The following CARD19 variants were observed in gnomAD, a reference collection of about 807,000 sequenced individuals.
CARD19 encodes the protein caspase recruitment domain-containing protein 19.
In CARD19, 25 loss-of-function variants were observed where a neutral mutation model predicts 24.1. That is an observed-to-expected ratio of 1.04 (90% CI 0.76 to 1.45). The LOEUF (loss-of-function observed/expected upper bound fraction) is 1.45, where lower values mean the gene tolerates loss of function less well. CARD19 is among the 40% of genes most tolerant of loss of function. CARD19 has a pLI of 0.00. For synonymous variants in CARD19, 103 were observed against 104.9 expected, an observed-to-expected ratio of 0.98 and a Z score of 0.11; for missense variants, 241 against 247.4, an observed-to-expected ratio of 0.97 and a Z score of 0.17.
intron 1 of CARD19, among the ~76,000 whole-genome samples, chr9:93,102,981 C>A (rs1827137143): frequency 6.6e-6 from 1 of 152,082 alleles, no homozygotes; most frequent in Non-Finnish European, 1.5e-5. Flanking sequence ...TTATATCTTG[C>A]AACCTTGCTG....
At chr9:93,112,033 AC>A in intron 4 of CARD19, 95 bp downstream of exon 4, 2 of 1,483,438 alleles carry the variant, frequency 1.3e-6, no homozygotes. Flanking sequence ...GGGCTTCTCC[AC>A]CCCAAGTCTG....
intron 1 of CARD19, 124 bp from the exon 2 acceptor site, chr9:93,107,550 T>C (rs1345477312): frequency 9.1e-7 from 1 of 1,100,606 alleles, no homozygotes; most frequent in African/African-American, 1.6e-5. Context: ...ATTCTGCAGG[T>C]TCACCCTCCT....
intron 2 of CARD19, among the ~76,000 whole-genome samples, chr9:93,108,791 G>A (rs1316401753): frequency 6.6e-6 from 1 of 152,242 alleles, no homozygotes; most frequent in Non-Finnish European, 1.5e-5. Flanking sequence ...CTGCAGAGCT[G>A]GGCACACCAG....
In CARD19 at chr9:93,096,792, C is replaced by T. The variant is rs1826881393; in HGVS notation, c.7+440C>T. On this transcript the variant is annotated intron_variant, in intron 1 of 5. Coordinates refer to ENST00000375464, the MANE Select transcript of CARD19 (RefSeq NM_032310.5). The surrounding 1 kb of genome is among the most constrained non-coding windows in gnomAD (Gnocchi z 5.4). ...GCTGTGATTCTGGCCACGGAAACAA[C>T]GCTCCATCCTTACAACCACCCCAGC... Among the ~76,000 whole-genome samples the T allele has an allele frequency of 6.6e-6, 1 of 152,192 alleles. No individual in the cohort carries two copies. Among genetic ancestry groups the T allele is most frequent in the African/African-American group, 2.4e-5 (1 of 41,444 alleles).
intron 1 of CARD19, among the ~76,000 whole-genome samples, chr9:93,107,130 C>T (rs886404620): frequency 6.6e-6 from 1 of 152,190 alleles, no homozygotes; most frequent in Admixed American, 6.5e-5. Flanking sequence ...CCACCCTGAG[C>T]CCTGTGTCCC....
chr9:93,111,434 G>A, intron 3 of CARD19: 1 of 1,074,614 alleles, frequency 9.3e-7, no homozygotes, highest in Non-Finnish European at 1.1e-6. Context: ...AGAGACCAGA[G>A]GGACTGGGCG....
At position 93,110,686 on chromosome 9, in the gene CARD19, C is replaced by T; in HGVS notation, c.269C>T (p.Pro90Leu). 10 of 1,612,748 alleles carry T rather than the reference C, an allele frequency of 6.2e-6. No individual in the cohort carries two copies. Among genetic ancestry groups the T allele is most frequent in the South Asian group, 1.1e-5 (1 of 91,086 alleles). ...FYRALYIHAQ[P>L]LHSRLPSRHA... ...CGAGCCCTGTATATCCATGCCCAGCCCCTGCACAGCCGCCTGCCCAGCCGC... is the reference window on the plus strand; with the variant it reads ...CGAGCCCTGTATATCCATGCCCAGCTCCTGCACAGCCGCCTGCCCAGCCGC... The change falls in exon 3 of 6, where the codon CCC becomes CTC. Residue 90 changes from proline (P) to leucine (L), a missense_variant. Physicochemically the swap from Pro to Leu is moderately conservative, Grantham distance 98 (BLOSUM62 -3). Coordinates refer to ENST00000375464, the MANE Select transcript of CARD19 (RefSeq NM_032310.5).
chr9:93,098,393 C>A (rs562882209), intron 1 of CARD19, among the ~76,000 whole-genome samples: 1 of 152,140 alleles, frequency 6.6e-6, no homozygotes, highest in Non-Finnish European at 1.5e-5. Context: ...CCAGCTCCCA[C>A]GGGGCCTTGA....
chr9:93,112,098 T>C, intron 4 of CARD19, 120 bp from the exon 5 acceptor site: 1 of 1,340,202 alleles, frequency 7.5e-7, no homozygotes, highest in Non-Finnish European at 1.0e-6. Flanking sequence ...GGTGCTCGTT[T>C]GGGGGCTCTT....
intron 1 of CARD19, among the ~76,000 whole-genome samples, chr9:93,105,133 G>T (rs116217125): frequency 6.6e-6 from 1 of 151,944 alleles, no homozygotes; most frequent in African/African-American, 2.4e-5. Flanking sequence ...TGTTTTTGCT[G>T]CATCCCTTAG....
intron 5 of CARD19, 116 bp downstream of exon 5, chr9:93,112,405 A>G: frequency 2.4e-6 from 2 of 824,762 alleles, no homozygotes; most frequent in Admixed American, 2.1e-5. Context: ...CGGTGTCCAC[A>G]CTTGTGCAGT....
intron 3 of CARD19, chr9:93,111,246 C>T (rs1318328618): frequency 2.6e-6 from 3 of 1,172,212 alleles, no homozygotes; most frequent in Non-Finnish European, 2.1e-6. Context: ...AGGCTCCTGT[C>T]CTCAGGCAGT....
intron 1 of CARD19, among the ~76,000 whole-genome samples, chr9:93,104,114 T>C (rs552371069): frequency 3.9e-5 from 6 of 152,368 alleles, no homozygotes; most frequent in Admixed American, 1.3e-4. Flanking sequence ...GTATATTTCA[T>C]TGATTGATTT....
rs1298909098 is a variant in CARD19, at chr9:93,096,485, C to G, written c.7+133C>G. ...CGGGGGCCGAGTGACCTTGGCCCGT[C>G]AGCTGTCGGTGGTGCGCGAGTGCAC... On this transcript the variant is annotated intron_variant, in intron 1 of 5. Coordinates refer to ENST00000375464, the MANE Select transcript of CARD19 (RefSeq NM_032310.5). The surrounding 1 kb of genome is among the most constrained non-coding windows in gnomAD (Gnocchi z 5.4). 7 of 868,506 alleles carry G rather than the reference C, an allele frequency of 8.1e-6. No individual in the cohort carries two copies. In the Admixed American group the frequency reaches 3.1e-4, roughly 39 times the overall value. 53.8% of individuals were successfully genotyped at this position (868,506 alleles called of 1,614,324 possible).
intron 1 of CARD19, among the ~76,000 whole-genome samples, chr9:93,099,762 G>A (rs2119062346): frequency 6.6e-6 from 1 of 152,332 alleles, no homozygotes; most frequent in South Asian, 2.1e-4. Context: ...GTCCGCATAG[G>A]CTGCTGTGGG....
chr9:93,111,071 C>G, intron 3 of CARD19: 1 of 1,341,552 alleles, frequency 7.5e-7, no homozygotes, highest in Non-Finnish European at 9.8e-7. Context: ...GTGTGGACAG[C>G]AACCTTGTTC....
intron 1 of CARD19, among the ~76,000 whole-genome samples, chr9:93,101,386 T>A (rs1002163736): frequency 1.3e-5 from 2 of 149,632 alleles, no homozygotes; most frequent in Non-Finnish European, 3.0e-5. Context: ...ACTGAGTTCC[T>A]GCTTTTTGTT....
intron 1 of CARD19, among the ~76,000 whole-genome samples, chr9:93,099,023 T>A (rs1411423090): frequency 6.7e-6 from 1 of 150,230 alleles, no homozygotes; most frequent in Admixed American, 6.7e-5. Flanking sequence ...TGCCTTAGCC[T>A]CCTGAGTAGC....
chr9:93,108,991 G>A (rs1032715605), intron 2 of CARD19: 2 of 152,318 alleles, frequency 1.3e-5, no homozygotes, highest in South Asian at 4.1e-4. Flanking sequence ...TCCTTGACAG[G>A]TGCCACGTGC....
Sources: allele counts gnomAD v4.1 joint callset (sites outside exome capture counted in the v4.1 genomes callset), GRCh38; gene constraint gnomAD v4.1.1; non-coding constraint Gnocchi (gnomAD v3.1); transcripts MANE v1.5; gene names NCBI Gene and HGNC (gene_info 2026-07-23, HGNC 2026-07-21).